The following SUCO variants were observed in gnomAD, a reference collection of about 807,000 sequenced individuals.
SUCO encodes the protein SUN domain-containing ossification factor.
In SUCO, 57 loss-of-function variants were observed where a neutral mutation model predicts 148.1. The observed-to-expected ratio is 0.38, with a 90% CI of 0.31 to 0.48. The LOEUF is 0.48. Among genes scored for constraint, SUCO ranks in the 20% least tolerant of loss-of-function variants. SUCO has a pLI of 0.96. For synonymous variants in SUCO, 470 were observed against 502.7 expected, an observed-to-expected ratio of 0.93 and a Z score of 0.87; for missense variants, 1,331 against 1,468.2, an observed-to-expected ratio of 0.91 and a Z score of 1.53.
intron 1 of SUCO, among the ~76,000 whole-genome samples, chr1:172,535,991 A>G (rs1651983723): frequency 6.6e-6 from 1 of 152,192 alleles, no homozygotes; most frequent in Non-Finnish European, 1.5e-5. Context: ...ATCAAGTAGT[A>G]TAGAGTATTC....
chr1:172,600,299 A>T, intron 20 of SUCO, 131 bp downstream of exon 20: 1 of 654,870 alleles, frequency 1.5e-6, no homozygotes, highest in Non-Finnish European at 2.6e-6. Context: ...GAACTTTTTC[A>T]AAAACCAGAA....
chr1:172,565,976 C>T (rs927159453), intron 6 of SUCO, among the ~76,000 whole-genome samples: 2 of 152,202 alleles, frequency 1.3e-5, no homozygotes, highest in Admixed American at 1.3e-4. Flanking sequence ...TGGTCTTCCA[C>T]ATGGGATTTG....
intron 18 of SUCO, chr1:172,590,424 T>G: frequency 1.1e-6 from 1 of 942,490 alleles, no homozygotes; most frequent in Non-Finnish European, 1.3e-6. Flanking sequence ...GTTGTAATAA[T>G]TTCTGCTTTT....
intron 19 of SUCO, among the ~76,000 whole-genome samples, chr1:172,597,801 G>T (rs915179582): frequency 1.3e-5 from 2 of 152,068 alleles, no homozygotes; most frequent in Non-Finnish European, 2.9e-5. Flanking sequence ...GTGAAGTGAG[G>T]AGGCCTTATA....
intron 6 of SUCO, among the ~76,000 whole-genome samples, chr1:172,568,005 C>G (rs1654683207): frequency 6.6e-6 from 1 of 152,202 alleles, no homozygotes; most frequent in Non-Finnish European, 1.5e-5. Context: ...CCTGTCATAT[C>G]AGTGGTGGCA....
chr1:172,608,458 A>G (rs1657996459), intron 22 of SUCO: 7 of 384,450 alleles, frequency 1.8e-5, no homozygotes, highest in Admixed American at 9.3e-5. Context: ...CCAAAGAAAG[A>G]TCGTTATTGT....
intron 19 of SUCO, among the ~76,000 whole-genome samples, chr1:172,593,039 GT>G (rs1382231137): frequency 2.2e-4 from 34 of 151,696 alleles, no homozygotes; most frequent in African/African-American, 8.0e-4. Flanking sequence ...TGAAGCAATT[GT>G]GAATGAGAGT....
intron 1 of SUCO, 144 bp downstream of exon 1, chr1:172,533,641 C>T (rs113565021): frequency 1.8e-4 from 191 of 1,081,354 alleles, no homozygotes; most frequent in Non-Finnish European, 2.2e-4. Context: ...TACTTCTCGA[C>T]TCTCCATCTG....
intron 1 of SUCO, among the ~76,000 whole-genome samples, chr1:172,548,189 T>G (rs1325786091): frequency 6.6e-6 from 1 of 151,924 alleles, no homozygotes; most frequent in Non-Finnish European, 1.5e-5. Context: ...TTTCTAGAAA[T>G]TTATCCATTT....
At position 172,533,166 on chromosome 1, in the gene SUCO, G is replaced by C. The variant is rs988579851; in HGVS notation, c.-270G>C. On this transcript the variant is annotated 5_prime_UTR_variant, in exon 1 of 24. Transcript: ENST00000263688. ...GGGGAGGATATGGGGCGGCAGTGGCGGCTGCAGGAGGCGGGCGTGGACGAG... is the reference window on the plus strand; with the variant it reads ...GGGGAGGATATGGGGCGGCAGTGGCCGCTGCAGGAGGCGGGCGTGGACGAG... The C allele has an allele frequency of 6.8e-7, 1 of 1,472,098 alleles. No individual in the cohort carries two copies. The highest frequency in any genetic ancestry group is 9.0e-7 in the Non-Finnish European group (1 of 1,115,422). The allele number at this position is 1,472,098 out of a possible 1,614,324, so 91.2% of individuals were successfully genotyped here.
intron 7 of SUCO, chr1:172,569,557 TTA>T (rs1435733883): frequency 1.0e-4 from 97 of 967,630 alleles, no homozygotes; most frequent in Non-Finnish European, 1.2e-4. Flanking sequence ...AAAAGCTTGC[TTA>T]TGTTATGAGG....
Position 172,573,934 on chromosome 1 carries a change from G to C in SUCO, c.1093G>C (p.Asp365His). Residue 365 changes from aspartate to histidine, a missense_variant, in exon 10 of 24, where the codon GAT becomes CAT. Physicochemically the swap from Asp to His is moderately conservative, Grantham distance 81. Around this residue, in one of 3 missense-constraint regions of SUCO, gnomAD observed 992 missense variants for 1,093.5 expected, o/e 0.91. Transcript: ENST00000263688. ...LCEPIQVKQL[D>H]IANYELFSST... is the part of the protein sequence containing the mutation. ...TGAACCAATTCAAGTAAAACAGCTT[G>C]ATATTGCAAATTATGAATTATTTTC... 1.2e-5 allele frequency: 19 copies of C among 1,601,808 alleles called. No homozygotes were observed. The highest frequency in any genetic ancestry group is 1.6e-5 in the Non-Finnish European group (19 of 1,172,034).
At position 172,570,716 on chromosome 1, in the gene SUCO, C is replaced by T. The variant is rs774933127; in HGVS notation, c.1035C>T (p.Cys345=). Residue 345 remains cysteine (C), a synonymous_variant, in exon 9 of 24, where the codon TGC becomes TGT. Coordinates refer to ENST00000263688, the MANE Select transcript of SUCO (RefSeq NM_014283.5). The stretch of plus-strand genomic sequence containing the variant: ...TGGATCTTTACATGTTGAATCCTTG[C>T]AGCACTAAAATTTGGTGAGTTATAC... ...ENMDLYMLNP[C]STKIWFVIEL... is the part of the protein sequence containing the mutation. The T allele has an allele frequency of 1.2e-6, 2 of 1,604,812 alleles. No individual in the cohort carries two copies. The highest frequency in any genetic ancestry group is 2.2e-5 in the East Asian group (1 of 44,690).
At chr1:172,591,196 T>C in intron 19 of SUCO, 125 bp downstream of exon 19, 1 of 629,962 alleles carries the variant, frequency 1.6e-6, no homozygotes. Context: ...TTTAAGCCTG[T>C]TATATTAATG....
chr1:172,596,766 T>G (rs1387863114), intron 19 of SUCO, among the ~76,000 whole-genome samples: 3 of 152,176 alleles, frequency 2.0e-5, no homozygotes, highest in Admixed American at 2.0e-4. Flanking sequence ...GTCTGTTCAT[T>G]CTCAGATCTC....
chr1:172,551,763 T>C, intron 2 of SUCO, 137 bp downstream of exon 2: 4 of 581,164 alleles, frequency 6.9e-6, no homozygotes, highest in East Asian at 5.9e-5. Flanking sequence ...TTGCTATTAC[T>C]CAGGTAATTC....
intron 1 of SUCO, among the ~76,000 whole-genome samples, chr1:172,534,849 G>T (rs976983648): frequency 6.6e-6 from 1 of 151,984 alleles, no homozygotes; most frequent in Non-Finnish European, 1.5e-5. Flanking sequence ...TTTCTTCTTG[G>T]TCTTGCCCAT....
At chr1:172,552,732 C>A in intron 2 of SUCO, 2 of 659,816 alleles carry the variant, frequency 3.0e-6, no homozygotes, top group Non-Finnish European at 3.8e-6. Context: ...AAGCATTTTG[C>A]AAACAAATGT....
intron 6 of SUCO, among the ~76,000 whole-genome samples, chr1:172,567,561 G>T (rs754875288): frequency 2.2e-4 from 34 of 152,084 alleles, no homozygotes; most frequent in Middle Eastern, 6.8e-3. Context: ...ACATTGTTTT[G>T]AGATTTGTTC....
Sources: allele counts gnomAD v4.1 joint callset (sites outside exome capture counted in the v4.1 genomes callset), GRCh38; gene constraint gnomAD v4.1.1; regional missense constraint gnomAD v4.1.1; transcripts MANE v1.5; gene names NCBI Gene and HGNC (gene_info 2026-07-23, HGNC 2026-07-21).